The following WWOX variants were observed in gnomAD, a reference collection of about 807,000 sequenced individuals.
WWOX encodes WW domain containing oxidoreductase.
A neutral mutation model predicts 46.2 loss-of-function variants in WWOX; 69 were observed. That is an observed-to-expected ratio of 1.49 (90% CI 1.23 to 1.82). WWOX has a LOEUF of 1.82. WWOX is among the 40% of genes most tolerant of loss of function. The pLI is 0.00. For missense variants in WWOX, 919 were observed against 542.6 expected, an observed-to-expected ratio of 1.69 and a Z score of -6.89; for synonymous variants, 359 against 202.6, an observed-to-expected ratio of 1.77 and a Z score of -6.56.
At chr16:78,943,904 G>T (rs117602217) in intron 8 of WWOX, among the ~76,000 whole-genome samples, 2 of 152,266 alleles carry the variant, frequency 1.3e-5, no homozygotes, top group South Asian at 4.1e-4. Context: ...GCAGCCACAG[G>T]AACCCATCAT....
At chr16:78,799,377 G>C (rs530281603) in intron 8 of WWOX, among the ~76,000 whole-genome samples, 4 of 152,294 alleles carry the variant, frequency 2.6e-5, no homozygotes, top group African/African-American at 9.6e-5. Flanking sequence ...GCAAACACAT[G>C]CTCACACGTC....
At chr16:79,106,806 T>C (rs1253692546) in intron 8 of WWOX, 1 of 124,168 alleles carries the variant, frequency 8.1e-6, no homozygotes, top group Non-Finnish European at 1.7e-5. Context: ...ACTTTTTTTC[T>C]TTTTTTTTTT....
At chr16:78,655,984 A>T (rs2047071252) in intron 8 of WWOX, among the ~76,000 whole-genome samples, 1 of 152,014 alleles carries the variant, frequency 6.6e-6, no homozygotes, top group Non-Finnish European at 1.5e-5. Context: ...TGCCAGGGGG[A>T]AAAAAAGAGA....
chr16:78,869,273 TA>T (rs143973584), intron 8 of WWOX, among the ~76,000 whole-genome samples: 531 of 152,152 alleles, frequency 3.5e-3, no homozygotes, highest in Non-Finnish European at 5.5e-3. Flanking sequence ...ATGAAACACT[TA>T]GGGGTTAGAA....
intron 5 of WWOX, among the ~76,000 whole-genome samples, chr16:78,225,618 T>C (rs1054635596): frequency 6.6e-6 from 1 of 152,182 alleles, no homozygotes; most frequent in Non-Finnish European, 1.5e-5. Flanking sequence ...GGATTTGTTT[T>C]GCCATGAGGA....
chr16:79,163,620 G>T (rs1597435731), intron 8 of WWOX, among the ~76,000 whole-genome samples: 1 of 152,082 alleles, frequency 6.6e-6, no homozygotes, highest in South Asian at 2.1e-4. Context: ...CCAAAATGGA[G>T]AAACGCCATC....
At chr16:78,539,985 C>A (rs534539067) in intron 8 of WWOX, among the ~76,000 whole-genome samples, 1 of 143,844 alleles carries the variant, frequency 7.0e-6, no homozygotes, top group East Asian at 2.1e-4. Context: ...TCCAATACAT[C>A]TCTCTCTCTC....
Position 79,006,807 on chromosome 16 carries a change from A to G in WWOX, c.1057-204801A>G, listed in dbSNP as rs2047199843. Reference sequence around the variant, plus strand: ...CCTTTCCTCCATCTTCAAAGCCAACAGCACCTGGCTGAGTCTTTCTCATGC... The same window carrying G: ...CCTTTCCTCCATCTTCAAAGCCAACGGCACCTGGCTGAGTCTTTCTCATGC... On this transcript the variant is annotated intron_variant, in intron 8 of 8. Transcript: ENST00000566780. Among the ~76,000 whole-genome samples, 3 of 152,254 alleles carry G rather than the reference A, an allele frequency of 2.0e-5. No individual in the cohort carries two copies. In the South Asian group the frequency reaches 6.2e-4, roughly 32 times the overall value.
At chr16:79,033,757 C>T (rs773277949) in intron 8 of WWOX, among the ~76,000 whole-genome samples, 2 of 152,242 alleles carry the variant, frequency 1.3e-5, no homozygotes, top group African/African-American at 4.8e-5. Context: ...CCATTCTCCC[C>T]TACTTTGTCT....
chr16:78,324,263 G>A (rs1467176135), intron 5 of WWOX, among the ~76,000 whole-genome samples: 1 of 152,092 alleles, frequency 6.6e-6, no homozygotes, highest in East Asian at 1.9e-4. Flanking sequence ...ACTCACAGTT[G>A]AAATGTAGAA....
Position 79,036,549 on chromosome 16 carries a change from G to C in WWOX, c.1057-175059G>C, listed in dbSNP as rs565633615. 2.6e-4 allele frequency among the ~76,000 whole-genome samples: 40 copies of C among 152,290 alleles called. 1 individual carries two copies. The highest frequency in any genetic ancestry group is 9.4e-4 in the African/African-American group (39 of 41,548). On this transcript the variant is annotated intron_variant, in intron 8 of 8. Coordinates refer to ENST00000566780, the MANE Select transcript of WWOX (RefSeq NM_016373.4). ...CCAGAGTCAGGGCTTTCCTCTGCCT[G>C]AATTATCGGAGCTCTTGGCTTAATG...
At chr16:78,642,467 T>C (rs187239218) in intron 8 of WWOX, among the ~76,000 whole-genome samples, 72 of 152,302 alleles carry the variant, frequency 4.7e-4, no homozygotes, top group African/African-American at 1.6e-3. Flanking sequence ...CTGTCGACTT[T>C]ACTGAGCTCC....
chr16:78,725,339 C>CTTTTTTTTTTTTTTTTTTT (rs921746316), intron 8 of WWOX, among the ~76,000 whole-genome samples: 81 of 86,728 alleles, frequency 9.3e-4, no homozygotes, highest in East Asian at 1.7e-3. Flanking sequence ...CTTTTCTTTT[C>CTTTTTTTTTTTTTTTTTTT]TTTTCTTTTT....
rs1377550004 is a variant in WWOX at position 78,884,291 on chromosome 16, AAAC to A, written c.1057-327314_1057-327312del. ...CTGTCTCCAAAAAAAAAAAAAAAAA[AAAC>A]AAAAGACCATTTTTAAGACTATGAC... On this transcript the variant is annotated intron_variant, in intron 8 of 8. Coordinates refer to ENST00000566780, the MANE Select transcript of WWOX (RefSeq NM_016373.4). Among the ~76,000 whole-genome samples the A allele has an allele frequency of 3.2e-4, 48 of 149,534 alleles. 2 individuals carry two copies. The highest frequency in any genetic ancestry group is 6.9e-4 in the African/African-American group (28 of 40,682).
chr16:78,108,030 G>T (rs2032259314), intron 1 of WWOX, among the ~76,000 whole-genome samples: 1 of 151,842 alleles, frequency 6.6e-6, no homozygotes, highest in African/African-American at 2.4e-5. Context: ...CCTGGCTCAA[G>T]CGATTCTCCT....
At chr16:79,139,283 A>G (rs1597409792) in intron 8 of WWOX, among the ~76,000 whole-genome samples, 1 of 152,264 alleles carries the variant, frequency 6.6e-6, no homozygotes, top group East Asian at 1.9e-4. Context: ...ACGTTAAGCC[A>G]GGAGAGATTT....
chr16:78,219,724 G>C (rs1024409383), intron 5 of WWOX, among the ~76,000 whole-genome samples: 38 of 152,136 alleles, frequency 2.5e-4, no homozygotes, highest in African/African-American at 8.9e-4. Context: ...CGAATACTGA[G>C]AAGTCCTAAA....
At chr16:78,659,291 C>T (rs938418226) in intron 8 of WWOX, among the ~76,000 whole-genome samples, 2 of 151,946 alleles carry the variant, frequency 1.3e-5, no homozygotes, top group African/African-American at 2.4e-5. Flanking sequence ...AGGAATTCAG[C>T]CCAGTTTTTT....
intron 8 of WWOX, chr16:78,552,722 T>C (rs548970303): frequency 3.9e-5 from 6 of 152,268 alleles, no homozygotes; most frequent in Admixed American, 1.3e-4. Flanking sequence ...AAGTAACTTA[T>C]CATTTGTTCA....
Sources: gnomAD v4.1 joint callset for allele counts (sites outside exome capture counted in the v4.1 genomes callset) on GRCh38, gnomAD v4.1.1 for gene constraint, MANE v1.5 for transcripts, NCBI Gene and HGNC (gene_info 2026-07-23, HGNC 2026-07-21) for gene names.